SORCS2: variants seen among roughly 807,000 people sequenced by gnomAD.
The protein encoded by SORCS2 is sortilin related VPS10 domain containing receptor 2, also known as VPS10 domain-containing receptor SorCS2.
SORCS2 carries 100 observed loss-of-function variants against 141.6 expected under a neutral mutation model. That is an observed-to-expected ratio of 0.71 (90% CI 0.60 to 0.83). The LOEUF is 0.83. Ranked by LOEUF, SORCS2 falls within the 40% of genes least tolerant of loss-of-function variation. SORCS2 has a pLI of 0.00. For missense variants in SORCS2, 1,646 were observed against 1,560.2 expected, an observed-to-expected ratio of 1.05 and a Z score of -0.93; for synonymous variants, 789 against 676.9, an observed-to-expected ratio of 1.17 and a Z score of -2.57.
rs577762997 is a variant in SORCS2 at position 7,359,894 on chromosome 4, G to A, written c.481-36394G>A. Among the ~76,000 whole-genome samples the A allele has an allele frequency of 7.7e-4, 118 of 152,288 alleles. 1 individual carries two copies. Among genetic ancestry groups the A allele is most frequent in the African/African-American group, 2.7e-3 (112 of 41,550 alleles). ...GAAGTGGCCCAGGGACAAGTGAGGA[G>A]GGCAGCCTGGGGCAAGGGAGGGTTT... On this transcript the variant is annotated intron_variant, in intron 1 of 26. Coordinates refer to ENST00000507866, the MANE Select transcript of SORCS2 (RefSeq NM_020777.3).
In SORCS2 at chr4:7,484,889, C is replaced by T. The variant is rs556757925; in HGVS notation, c.549-46641C>T. 4.5e-4 allele frequency among the ~76,000 whole-genome samples: 68 copies of T among 151,976 alleles called. No individual in the cohort carries two copies. In the South Asian group the frequency reaches 4.8e-3, roughly 11 times the overall value. On this transcript the variant is annotated intron_variant, in intron 2 of 26. Transcript: ENST00000507866. ...GGCCTGTCTCCTGCATCCAGCCCACCTCCTCCACACAGCCTGCCTCCTTAA... is the reference window on the plus strand; with the variant it reads ...GGCCTGTCTCCTGCATCCAGCCCACTTCCTCCACACAGCCTGCCTCCTTAA...
At chr4:7,611,067 C>T (rs1718372664) in intron 3 of SORCS2, among the ~76,000 whole-genome samples, 1 of 152,194 alleles carries the variant, frequency 6.6e-6, no homozygotes, top group African/African-American at 2.4e-5. Context: ...GGATGGCCTG[C>T]AGCCACCATG....
intron 2 of SORCS2, among the ~76,000 whole-genome samples, chr4:7,510,033 GT>G (rs1652728790): frequency 6.6e-6 from 1 of 152,228 alleles, no homozygotes; most frequent in African/African-American, 2.4e-5. Context: ...TTAATAGACT[GT>G]AACTGTGCTG....
intron 1 of SORCS2, among the ~76,000 whole-genome samples, chr4:7,226,445 G>C (rs1463595520): frequency 1.3e-5 from 2 of 152,102 alleles, no homozygotes; most frequent in African/African-American, 4.8e-5. Context: ...GGTCAGTGCC[G>C]TTCCGTTTGC....
intron 4 of SORCS2, among the ~76,000 whole-genome samples, chr4:7,652,490 C>A (rs1721508156): frequency 1.3e-5 from 2 of 152,102 alleles, no homozygotes; most frequent in African/African-American, 4.8e-5. Flanking sequence ...GGGGCACTGA[C>A]CCGTGGGCCC....
chr4:7,259,465 G>C (rs572241476), intron 1 of SORCS2, among the ~76,000 whole-genome samples: 26 of 152,160 alleles, frequency 1.7e-4, no homozygotes, highest in Non-Finnish European at 3.5e-4. Flanking sequence ...TTTGAGAAAT[G>C]GTTGCTGTGC....
chr4:7,553,847 C>T (rs1019586520), intron 3 of SORCS2, among the ~76,000 whole-genome samples: 2 of 152,300 alleles, frequency 1.3e-5, no homozygotes, highest in South Asian at 2.1e-4. Flanking sequence ...AGCTGGGCCC[C>T]TTTCCTGATA....
intron 1 of SORCS2, among the ~76,000 whole-genome samples, chr4:7,196,019 CAAG>C (rs1310895120): frequency 6.6e-6 from 1 of 152,210 alleles, no homozygotes; most frequent in Non-Finnish European, 1.5e-5. Flanking sequence ...GAGCATCCCA[CAAG>C]AAGCAGTCCC....
chr4:7,225,530 T>C (rs978857987), intron 1 of SORCS2, among the ~76,000 whole-genome samples: 5 of 152,252 alleles, frequency 3.3e-5, no homozygotes, highest in Admixed American at 2.0e-4. Context: ...CAACGCTTGA[T>C]GATGGCTGCA....
intron 2 of SORCS2, among the ~76,000 whole-genome samples, chr4:7,420,929 C>T (rs768871513): frequency 6.6e-6 from 1 of 152,212 alleles, no homozygotes; most frequent in Non-Finnish European, 1.5e-5. Context: ...TCTCCTCTGC[C>T]TGCCGTTGCA....
intron 4 of SORCS2, among the ~76,000 whole-genome samples, chr4:7,644,651 C>T (rs774108037): frequency 5.3e-5 from 8 of 152,138 alleles, no homozygotes; most frequent in Non-Finnish European, 1.2e-4. Context: ...AGGGCAGACT[C>T]GAAGCACCTC....
chr4:7,570,961 T>C (rs1371390117), intron 3 of SORCS2, among the ~76,000 whole-genome samples: 1 of 152,064 alleles, frequency 6.6e-6, no homozygotes, highest in East Asian at 1.9e-4. Context: ...TTCCAGCCCA[T>C]GGCAGCCCAG....
intron 1 of SORCS2, among the ~76,000 whole-genome samples, chr4:7,217,389 T>C (rs1728426404): frequency 6.6e-6 from 1 of 152,114 alleles, no homozygotes; most frequent in Non-Finnish European, 1.5e-5. Context: ...AAAGGAACAT[T>C]ATTTTTAAAG....
intron 3 of SORCS2, among the ~76,000 whole-genome samples, chr4:7,599,568 G>A (rs149380223): frequency 0.013 from 2,021 of 152,314 alleles, 27 homozygotes; most frequent in Non-Finnish European, 0.02. Flanking sequence ...CTTGGCTGCT[G>A]TTGACGTCTG....
intron 9 of SORCS2, among the ~76,000 whole-genome samples, chr4:7,677,752 C>A (rs1723256694): frequency 6.6e-6 from 1 of 152,194 alleles, no homozygotes; most frequent in Non-Finnish European, 1.5e-5. Flanking sequence ...GCAATAATAA[C>A]CCATTTGTCA....
intron 1 of SORCS2, among the ~76,000 whole-genome samples, chr4:7,220,765 C>G (rs1420584111): frequency 1.3e-5 from 2 of 152,154 alleles, no homozygotes; most frequent in Non-Finnish European, 2.9e-5. Context: ...AAACATGCCA[C>G]TTTCCAGCTC....
At chr4:7,453,162 G>A (rs1422653228) in intron 2 of SORCS2, among the ~76,000 whole-genome samples, 28 of 144,966 alleles carry the variant, frequency 1.9e-4, no homozygotes, top group African/African-American at 6.7e-4. Flanking sequence ...GTCAGGTGCT[G>A]TGTTGGGGTC....
At chr4:7,462,813 C>G (rs1176256230) in intron 2 of SORCS2, among the ~76,000 whole-genome samples, 1 of 150,572 alleles carries the variant, frequency 6.6e-6, no homozygotes, top group Non-Finnish European at 1.5e-5. Flanking sequence ...TGTGAGCACT[C>G]ACTATCTGCT....
intron 1 of SORCS2, among the ~76,000 whole-genome samples, chr4:7,364,601 G>T (rs986100999): frequency 6.6e-6 from 1 of 152,126 alleles, no homozygotes; most frequent in African/African-American, 2.4e-5. Flanking sequence ...CTTGAGGGTG[G>T]CACTGTCTCC....
Sources: gnomAD v4.1 joint callset for allele counts (sites outside exome capture counted in the v4.1 genomes callset) on GRCh38, gnomAD v4.1.1 for gene constraint, MANE v1.5 for transcripts, NCBI Gene and HGNC (gene_info 2026-07-23, HGNC 2026-07-21) for gene names.